MX1: variants seen among roughly 807,000 people sequenced by gnomAD.
The protein encoded by MX1 is MX dynamin like GTPase 1.
MX1 carries 66 observed loss-of-function variants against 66.4 expected under a neutral mutation model. The observed-to-expected ratio is 0.99, with a 90% CI of 0.82 to 1.22. The LOEUF (loss-of-function observed/expected upper bound fraction) is 1.22, where lower values mean the gene tolerates loss of function less well. MX1 is among the 50% of genes most tolerant of loss of function. MX1 has a pLI of 0.00. For synonymous variants in MX1, 311 were observed against 318.1 expected, an observed-to-expected ratio of 0.98 and a Z score of 0.24; for missense variants, 787 against 834.3, an observed-to-expected ratio of 0.94 and a Z score of 0.70.
rs1342918568 is a variant in MX1 at position 41,458,644 on chromosome 21, C to T, written c.1875C>T (p.Thr625=). 3.7e-6 allele frequency: 6 copies of T among 1,614,134 alleles called. No homozygotes were observed. In the Admixed American group the frequency reaches 1.0e-4, roughly 27 times the overall value. Reference sequence around the variant, plus strand: ...TGCAGCTCCTGCAGGACAAGGACACCTACAGCTGGCTCCTGAAGGAGCGGA... The same window carrying T: ...TGCAGCTCCTGCAGGACAAGGACACTTACAGCTGGCTCCTGAAGGAGCGGA... ...AMLQLLQDKD[T]YSWLLKERSD... is the part of the protein sequence containing the mutation. The change falls in exon 17 of 17, where the codon ACC becomes ACT. Residue 625 remains threonine (T), a synonymous_variant. Coordinates refer to ENST00000398598, the MANE Select transcript of MX1 (RefSeq NM_002462.5).
Position 41,449,150 on chromosome 21 carries a change from G to A in MX1, c.1287G>A (p.Leu429=). 6.2e-7 allele frequency: 1 copy of A among 1,610,628 alleles called. No individual in the cohort carries two copies. Among genetic ancestry groups the A allele is most frequent in the Non-Finnish European group, 8.5e-7 (1 of 1,178,948 alleles). ...ENNFQEGHKI[L]SRKIQKFENQ... ...TTCCTGCTATAGGCCATAAAATTTT[G>A]AGTAGAAAAATCCAGAAATTTGAAA... The change falls in exon 14 of 17, where the codon TTG becomes TTA. Residue 429 remains leucine (L), a synonymous_variant. Coordinates refer to ENST00000398598, the MANE Select transcript of MX1 (RefSeq NM_002462.5).
chr21:41,430,696 A>C (rs2090187952), intron 4 of MX1, 88 bp downstream of exon 4: 1 of 152,214 alleles, frequency 6.6e-6, no homozygotes. Flanking sequence ...ATTATTAGAC[A>C]CTGTAAAATT....
At position 41,441,674 on chromosome 21, in the gene MX1, G is replaced by A. The variant is rs754840507; in HGVS notation, c.731-42G>A. On this transcript the variant is annotated intron_variant, in intron 9 of 16. Coordinates refer to ENST00000398598, the MANE Select transcript of MX1 (RefSeq NM_002462.5). This position sits in a 1 kb window ranked among gnomAD's most constrained non-coding sequence, Gnocchi z 4.0. ...GCAGTTGTTCGTTCACCTCTGCCTCGTGACTGAGCACGTTCTCTCCCCAAA... is the reference window on the plus strand; with the variant it reads ...GCAGTTGTTCGTTCACCTCTGCCTCATGACTGAGCACGTTCTCTCCCCAAA... The A allele has an allele frequency of 5.7e-5, 92 of 1,607,658 alleles. No individual in the cohort carries two copies. Among genetic ancestry groups the A allele is most frequent in the Non-Finnish European group, 7.5e-5 (88 of 1,174,286 alleles).
chr21:41,444,318 C>CTTTTTCTT (rs2090601374), intron 11 of MX1, among the ~76,000 whole-genome samples: 1 of 71,526 alleles, frequency 1.4e-5, no homozygotes, highest in African/African-American at 6.2e-5. Context: ...TCTTTTCTTT[C>CTTTTTCTT]TTTTTTTTTT....
At chr21:41,428,761 G>C (rs2090134393) in intron 3 of MX1, 1 of 152,212 alleles carries the variant, frequency 6.6e-6, no homozygotes, top group African/African-American at 2.4e-5. Context: ...GCGAAAGTGA[G>C]AAACACGTAT....
At chr21:41,433,346 C>T (rs2090274830) in intron 5 of MX1, among the ~76,000 whole-genome samples, 1 of 152,184 alleles carries the variant, frequency 6.6e-6, no homozygotes, top group Non-Finnish European at 1.5e-5. Context: ...CCTTGCACAT[C>T]CCCCTGGGAG....
Position 41,432,051 on chromosome 21 carries a change from T to C in MX1, c.-20T>C. 6.2e-7 allele frequency: 1 copy of C among 1,613,290 alleles called. No individual in the cohort carries two copies. Among genetic ancestry groups the C allele is most frequent in the Non-Finnish European group, 8.5e-7 (1 of 1,179,630 alleles). ...AATAGGCATCTGCTTTATTTTAAGC[T>C]TACTTTGCAAAGAAGGAAGATGGTT... On this transcript the variant is annotated splice_region_variant and 5_prime_UTR_variant, in exon 5 of 17. Transcript: ENST00000398598.
intron 5 of MX1, among the ~76,000 whole-genome samples, chr21:41,432,818 G>A (rs1292384775): frequency 6.6e-6 from 1 of 152,148 alleles, no homozygotes; most frequent in Non-Finnish European, 1.5e-5. Context: ...TGGATCACTG[G>A]TCTGTTTCAG....
At chr21:41,436,445 A>C (rs1427658499) in intron 6 of MX1, among the ~76,000 whole-genome samples, 2 of 152,144 alleles carry the variant, frequency 1.3e-5, no homozygotes. Flanking sequence ...TTTTCACATA[A>C]GTCATATGTA....
chr21:41,456,908 CG>C (rs1337281771), intron 16 of MX1, among the ~76,000 whole-genome samples: 1 of 152,104 alleles, frequency 6.6e-6, no homozygotes, highest in East Asian at 1.9e-4. Context: ...ACTACAGGCA[CG>C]TGCCACCACA....
intron 5 of MX1, among the ~76,000 whole-genome samples, chr21:41,433,063 A>G (rs1720859465): frequency 6.6e-6 from 1 of 152,204 alleles, no homozygotes; most frequent in South Asian, 2.1e-4. Flanking sequence ...GTGCTTTGGA[A>G]GCAGCTTGGC....
chr21:41,448,950 G>GCC (rs747365688), intron 13 of MX1, among the ~76,000 whole-genome samples, 187 bp from the exon 14 acceptor site: 7,404 of 70,318 alleles, frequency 0.11, 293 homozygotes, highest in East Asian at 0.17. Flanking sequence ...GTGTGTGTGT[G>GCC]TGTGTGTGTG....
intron 3 of MX1, chr21:41,428,449 C>T (rs1472476591): frequency 6.6e-6 from 1 of 152,288 alleles, no homozygotes; most frequent in African/African-American, 2.4e-5. Context: ...TCCAGGGAGT[C>T]CAGAAGTCCC....
rs8132380 is a variant in MX1, at chr21:41,438,831, A to G, written c.437-863A>G. 4.5e-3 allele frequency among the ~76,000 whole-genome samples: 687 copies of G among 152,258 alleles called. 7 individuals carry two copies. The highest frequency in any genetic ancestry group is 0.016 in the African/African-American group (651 of 41,540). ...AGACCAGAGCTGATTGGGGATTCCA[A>G]TGTCAGGAACCAAGATTTATTCTTC... On this transcript the variant is annotated intron_variant, in intron 7 of 16. Coordinates refer to ENST00000398598, the MANE Select transcript of MX1 (RefSeq NM_002462.5).
chr21:41,443,960 A>T, intron 11 of MX1, 94 bp downstream of exon 11: 1 of 1,161,898 alleles, frequency 8.6e-7, no homozygotes, highest in East Asian at 2.4e-5. Flanking sequence ...GTACACACAG[A>T]TCTTCTGAGG....
intron 13 of MX1, 92 bp from the exon 14 acceptor site, chr21:41,449,045 A>G (rs2090751345): frequency 1.4e-5 from 17 of 1,254,296 alleles, no homozygotes; most frequent in Non-Finnish European, 1.7e-5. Flanking sequence ...TGCCATTTAT[A>G]TTTTCAGAAA....
intron 5 of MX1, among the ~76,000 whole-genome samples, chr21:41,435,165 A>G (rs940228278): frequency 3.3e-5 from 5 of 152,206 alleles, no homozygotes; most frequent in African/African-American, 1.2e-4. Flanking sequence ...CTCACACTGT[A>G]TCATTCTCTG....
In MX1 at chr21:41,439,565, G is replaced by T; in HGVS notation, c.437-129G>T. 3.3e-6 allele frequency: 3 copies of T among 903,852 alleles called. No homozygotes were observed. In the South Asian group the frequency reaches 4.7e-5, roughly 14 times the overall value. The allele number at this position is 903,852 out of a possible 1,614,324, so 56.0% of individuals were successfully genotyped here. ...TCTTTTATCCCAATCACAGAAAATT[G>T]AATCTGCTCCAAATATGCTTTTATC... On this transcript the variant is annotated intron_variant, in intron 7 of 16. Coordinates refer to ENST00000398598, the MANE Select transcript of MX1 (RefSeq NM_002462.5).
chr21:41,440,359 C>T (rs2146207585), intron 8 of MX1, among the ~76,000 whole-genome samples: 1 of 152,186 alleles, frequency 6.6e-6, no homozygotes, highest in Admixed American at 6.5e-5. Flanking sequence ...AAAAAATTAG[C>T]CAGGTATGGT....
Sources: allele counts gnomAD v4.1 joint callset (sites outside exome capture counted in the v4.1 genomes callset), GRCh38; gene constraint gnomAD v4.1.1; non-coding constraint Gnocchi (gnomAD v3.1); transcripts MANE v1.5; gene names NCBI Gene and HGNC (gene_info 2026-07-23, HGNC 2026-07-21).